The following CDKL3 variants were observed in gnomAD, a reference collection of about 807,000 sequenced individuals.
The protein encoded by CDKL3 is cyclin-dependent kinase-like 3.
CDKL3 carries 65 observed loss-of-function variants against 69.3 expected under a neutral mutation model. That is an observed-to-expected ratio of 0.94 (90% CI 0.77 to 1.15). CDKL3 has a LOEUF of 1.15. CDKL3 is among the 50% of genes most tolerant of loss of function. The pLI is 0.00. For synonymous variants in CDKL3, 202 were observed against 221.6 expected (o/e 0.91, Z 0.79); for missense variants, 652 against 689.2 (o/e 0.95, Z 0.61).
chr5:134,363,952 T>A (rs1003678163), intron 2 of CDKL3, among the ~76,000 whole-genome samples: 1 of 130,962 alleles, frequency 7.6e-6, no homozygotes, highest in African/African-American at 3.2e-5. Context: ...GGAGACTCCA[T>A]TTCTTAAAAA....
intron 4 of CDKL3, among the ~76,000 whole-genome samples, chr5:134,323,693 C>T (rs1441350643): frequency 6.6e-6 from 1 of 152,122 alleles, no homozygotes. Context: ...GACCTTATCC[C>T]TTTCACAAAA....
At chr5:134,368,618 CAAAAAAAAAAAAAA>C (rs11339001), upstream of CDKL3, among the ~76,000 whole-genome samples, 8 of 69,812 alleles carry the variant, frequency 1.1e-4, no homozygotes, top group Admixed American at 2.0e-4. Flanking sequence ...GACTCCATCT[CAAAAAAAAAAAAAA>C]AAAAAAAAAG....
At chr5:134,296,381 G>A (rs192500192), downstream of CDKL3, among the ~76,000 whole-genome samples, 5 of 152,256 alleles carry the variant, frequency 3.3e-5, no homozygotes, top group South Asian at 2.1e-4. Flanking sequence ...TGCCTTACAC[G>A]GCCTGTACAA....
chr5:134,336,181 T>C (rs770431829), intron 4 of CDKL3, among the ~76,000 whole-genome samples: 1 of 152,206 alleles, frequency 6.6e-6, no homozygotes. Flanking sequence ...ATCAGGTCAT[T>C]TAAGCTCTTC....
rs377660578 is a variant in CDKL3 at position 134,366,561 on chromosome 5, A to G, written c.-21-17T>C. ...CTTTTACTACTTTATAGAAATAAAGAAAGAAAATGGAAAATGTTAAACGTT... is the reference window on the plus strand; with the variant it reads ...CTTTTACTACTTTATAGAAATAAAGGAAGAAAATGGAAAATGTTAAACGTT... On this transcript the variant is annotated splice_polypyrimidine_tract_variant and intron_variant, in intron 1 of 12. Transcript: ENST00000265334. 1 of 1,474,588 alleles carries G rather than the reference A, an allele frequency of 6.8e-7. No homozygotes were observed. The highest frequency in any genetic ancestry group is 1.7e-4 in the Middle Eastern group (1 of 5,802). 91.3% of individuals were successfully genotyped at this position (1,474,588 alleles called of 1,614,324 possible). A position where few individuals can be genotyped will look rare whatever the true frequency, so the allele number is the denominator to read the frequency against.
intron 8 of CDKL3, among the ~76,000 whole-genome samples, chr5:134,291,455 G>A (rs1765119460): frequency 6.6e-6 from 1 of 152,172 alleles, no homozygotes. Flanking sequence ...ATTGTTTACA[G>A]ATTCATCAAA....
At chr5:134,300,962 T>C (rs1419637072) in intron 12 of CDKL3, among the ~76,000 whole-genome samples, 1 of 152,112 alleles carries the variant, frequency 6.6e-6, no homozygotes, top group Non-Finnish European at 1.5e-5. Context: ...AGCCACCTTA[T>C]TACTTTTTAT....
At chr5:134,348,174 G>C (rs753222622) in intron 4 of CDKL3, among the ~76,000 whole-genome samples, 3 of 152,144 alleles carry the variant, frequency 2.0e-5, no homozygotes, top group South Asian at 2.1e-4. Context: ...GACTGCTTGA[G>C]GGCAGGAGTT....
downstream of CDKL3, among the ~76,000 whole-genome samples, chr5:134,284,631 G>A (rs866036674): frequency 1.2e-4 from 19 of 152,192 alleles, no homozygotes; most frequent in Non-Finnish European, 2.1e-4. Context: ...AGACCAGGGC[G>A]TATTTCATCC....
chr5:134,312,758 C>T (rs1769916133), intron 6 of CDKL3, among the ~76,000 whole-genome samples: 1 of 152,186 alleles, frequency 6.6e-6, no homozygotes, highest in Non-Finnish European at 1.5e-5. Flanking sequence ...GTTTGCCAAA[C>T]ACGAGTTTTA....
chr5:134,368,926 C>G (rs1043738309), upstream of CDKL3, among the ~76,000 whole-genome samples: 5 of 152,042 alleles, frequency 3.3e-5, no homozygotes, highest in Admixed American at 6.6e-5. Flanking sequence ...GCTACTTGGG[C>G]GTCTGAAGGA....
chr5:134,366,531 C>G lies in CDKL3; in HGVS notation c.-8G>C. ...GGTTTCATACATCTCCATTTTCAAG[C>G]TGGGCTTTTACTACTTTATAGAAAT... On this transcript the variant is annotated 5_prime_UTR_variant, in exon 2 of 13. Transcript: ENST00000265334. 1 of 1,588,982 alleles carries G rather than the reference C, an allele frequency of 6.3e-7. No individual in the cohort carries two copies. Among genetic ancestry groups the G allele is most frequent in the Non-Finnish European group, 8.6e-7 (1 of 1,168,966 alleles).
rs114999689 is a variant in CDKL3, at chr5:134,299,621, T to C, written c.1720-911A>G. On this transcript the variant is annotated intron_variant, in intron 12 of 12. Coordinates refer to ENST00000265334, the MANE Select transcript of CDKL3 (RefSeq NM_001113575.2). ...TATCTAGTTAGCATTTTTGTGTATGTAACATTAATAAAAAGGATTTTTAAA... is the reference window on the plus strand; with the variant it reads ...TATCTAGTTAGCATTTTTGTGTATGCAACATTAATAAAAAGGATTTTTAAA... 1,403 of 1,454,696 alleles carry C rather than the reference T, an allele frequency of 9.6e-4. 5 individuals carry two copies. In the African/African-American group the frequency reaches 0.018, roughly 18 times the overall value. The allele number at this position is 1,454,696 out of a possible 1,614,324, so 90.1% of individuals were successfully genotyped here. A position where few individuals can be genotyped will look rare whatever the true frequency, so the allele number is the denominator to read the frequency against.
chr5:134,311,229 C>T (rs1273063731), intron 7 of CDKL3, among the ~76,000 whole-genome samples: 1 of 152,096 alleles, frequency 6.6e-6, no homozygotes, highest in Non-Finnish European at 1.5e-5. Flanking sequence ...TGCAGCCGGG[C>T]GCAATGGCTC....
At chr5:134,293,208 C>A (rs187502083) in intron 8 of CDKL3, among the ~76,000 whole-genome samples, 1 of 151,324 alleles carries the variant, frequency 6.6e-6, no homozygotes, top group East Asian at 1.9e-4. Context: ...TTAGTAGGCA[C>A]GGGGTTTCTC....
chr5:134,299,896 T>C (rs1765901198), intron 12 of CDKL3: 1 of 569,664 alleles, frequency 1.8e-6, no homozygotes, highest in Non-Finnish European at 3.0e-6. Context: ...GTATTCCTTA[T>C]CATTATCATC....
chr5:134,299,163 T>G (rs538678932), intron 12 of CDKL3, among the ~76,000 whole-genome samples: 2 of 152,280 alleles, frequency 1.3e-5, no homozygotes, highest in East Asian at 1.9e-4. Context: ...TGAGCCACCA[T>G]GCCCGACCAA....
chr5:134,324,045 T>C (rs1044154589), intron 4 of CDKL3, among the ~76,000 whole-genome samples: 1 of 152,140 alleles, frequency 6.6e-6, no homozygotes, highest in Non-Finnish European at 1.5e-5. Flanking sequence ...TATAAGAATA[T>C]ACATTTCACC....
At chr5:134,305,950 T>A (rs1169463275) in intron 10 of CDKL3, among the ~76,000 whole-genome samples, 1 of 152,218 alleles carries the variant, frequency 6.6e-6, no homozygotes, top group African/African-American at 2.4e-5. Context: ...ATTTGGCAAT[T>A]GTTTTTAATC....
Sources: gnomAD v4.1 joint callset for allele counts (sites outside exome capture counted in the v4.1 genomes callset) on GRCh38, gnomAD v4.1.1 for gene constraint, MANE v1.5 for transcripts, NCBI Gene and HGNC (gene_info 2026-07-23, HGNC 2026-07-21) for gene names.